The following PRSS22 variants were observed in gnomAD, a reference collection of about 807,000 sequenced individuals.
PRSS22 encodes the protein serine protease 22.
PRSS22 carries 26 observed loss-of-function variants against 28.0 expected under a neutral mutation model. That is an observed-to-expected ratio of 0.93 (90% CI 0.68 to 1.29). PRSS22 has a LOEUF of 1.29. Among genes scored for constraint, PRSS22 ranks in the 50% most tolerant of loss-of-function variants. The probability of loss-of-function intolerance (pLI) is 0.00; values close to 1 mark genes in which losing one functional copy is unlikely to be tolerated. For synonymous variants in PRSS22, 217 were observed against 177.9 expected, an observed-to-expected ratio of 1.22 and a Z score of -1.75; for missense variants, 444 against 422.1, an observed-to-expected ratio of 1.05 and a Z score of -0.46.
rs1009327396 is a variant in PRSS22, at chr16:2,853,560, G to A, written c.718-231C>T. ...GGTGCTGCCGCTGCACCATCTGACC[G>A]TCTTCCAGACAGCCCCTGAGCTACA... On this transcript the variant is annotated intron_variant, in intron 5 of 5. Coordinates refer to ENST00000161006, the MANE Select transcript of PRSS22 (RefSeq NM_022119.4). The surrounding 1 kb of genome is among the most constrained non-coding windows in gnomAD (Gnocchi z 4.6). Among the ~76,000 whole-genome samples, 5 of 152,250 alleles carry A rather than the reference G, an allele frequency of 3.3e-5. No individual in the cohort carries two copies. Among genetic ancestry groups the A allele is most frequent in the African/African-American group, 1.2e-4 (5 of 41,466 alleles).
intron 2 of PRSS22, 119 bp downstream of exon 2, chr16:2,856,703 C>G: frequency 1.6e-6 from 2 of 1,215,514 alleles, no homozygotes; most frequent in Non-Finnish European, 1.2e-6. Flanking sequence ...CCCTCTAGCT[C>G]TTTCCCCCTC....
rs200802675 is a variant in PRSS22, at chr16:2,856,170, C to A, written c.193G>T (p.Val65Leu). 6.2e-7 allele frequency: 1 copy of A among 1,613,852 alleles called. No homozygotes were observed. The highest frequency in any genetic ancestry group is 8.5e-7 in the Non-Finnish European group (1 of 1,179,948). ...TGGGTCCCATTCTTCTGGATGCTCA[C>A]GATCCAGGGCCACTCGCTGTCAGTG... ...DSTDSEWPWI[V>L]SIQKNGTHHC... The change falls in exon 3 of 6, where the codon GTG (valine) becomes TTG (leucine). Residue 65 changes from valine to leucine, a missense_variant. Physicochemically the swap from Val to Leu is conservative, Grantham distance 32. Coordinates refer to ENST00000161006, the MANE Select transcript of PRSS22 (RefSeq NM_022119.4).
chr16:2,854,564 T>C (rs2069437884), intron 4 of PRSS22: 1 of 153,898 alleles, frequency 6.5e-6, no homozygotes, highest in African/African-American at 2.4e-5. Context: ...TTAATTATTC[T>C]GGAATCTGGT....
intron 4 of PRSS22, among the ~76,000 whole-genome samples, chr16:2,855,081 C>T (rs1032621805): frequency 6.6e-6 from 1 of 152,108 alleles, no homozygotes; most frequent in East Asian, 1.9e-4. Flanking sequence ...GGCACAGTGG[C>T]TCACACCTGT....
chr16:2,855,964 C>T, intron 3 of PRSS22, 113 bp from the exon 4 acceptor site: 10 of 1,505,324 alleles, frequency 6.6e-6, no homozygotes, highest in East Asian at 2.3e-5. Context: ...TAGGTAGAAT[C>T]GAGGGGCACC....
chr16:2,855,769 C>T lies in PRSS22; in HGVS notation c.364G>A (p.Gly122Ser). 6.2e-7 allele frequency: 1 copy of T among 1,614,124 alleles called. No individual in the cohort carries two copies. Among genetic ancestry groups the T allele is most frequent in the African/African-American group, 1.3e-5 (1 of 75,046 alleles). The change falls in exon 4 of 6, where the codon GGT becomes AGT. Residue 122 changes from glycine (G) to serine (S), a missense_variant. Gly to Ser is a moderately conservative substitution (Grantham distance 56). Coordinates refer to ENST00000161006, the MANE Select transcript of PRSS22 (RefSeq NM_022119.4). ...GNPGSRSQKVGVAWVEPHPVY... is the reference protein window; with the variant it reads ...GNPGSRSQKVSVAWVEPHPVY... Reference sequence around the variant, plus strand: ...GGGTGGGGCTCCACCCAGGCAACACCCACCTTCTGGGACCGAGAGCCAGGG... The same window carrying T: ...GGGTGGGGCTCCACCCAGGCAACACTCACCTTCTGGGACCGAGAGCCAGGG...
Position 2,853,860 on chromosome 16 carries a change from C to G in PRSS22, c.717+5G>C, listed in dbSNP as rs2069429708. On this transcript the variant is annotated splice_donor_5th_base_variant and intron_variant, in intron 5 of 5. Coordinates refer to ENST00000161006, the MANE Select transcript of PRSS22 (RefSeq NM_022119.4). This position sits in a 1 kb window ranked among gnomAD's most constrained non-coding sequence, Gnocchi z 4.6. ...GCCAGGGGTGGGGGGCTCGAGGGAG[C>G]TCACCAGACAAGCATCCCGCTCCCC... The G allele has an allele frequency of 1.2e-6, 2 of 1,613,654 alleles. No individual in the cohort carries two copies. Among genetic ancestry groups the G allele is most frequent in the Non-Finnish European group, 1.7e-6 (2 of 1,179,956 alleles).
At chr16:2,857,497 A>C in intron 1 of PRSS22, 1 of 180,760 alleles carries the variant, frequency 5.5e-6, no homozygotes, top group Non-Finnish European at 1.2e-5. Flanking sequence ...AAGTCTCTCA[A>C]CCCCAGGGCC....
At position 2,853,022 on chromosome 16, in the gene PRSS22, G is replaced by A; in HGVS notation, c.*71C>T. 14 of 1,078,654 alleles carry A rather than the reference G, an allele frequency of 1.3e-5. No individual in the cohort carries two copies. In the South Asian group the frequency reaches 2.0e-4, roughly 15 times the overall value. The allele number at this position is 1,078,654 out of a possible 1,614,324, so 66.8% of individuals were successfully genotyped here. On this transcript the variant is annotated 3_prime_UTR_variant, in exon 6 of 6. Transcript: ENST00000161006. This position sits in a 1 kb window ranked among gnomAD's most constrained non-coding sequence, Gnocchi z 4.6. ...TTTACGGCGGGGGAAACCGCCCGAGGCCGCCGCAGATCCAGATCCAGATGT... is the reference window on the plus strand; with the variant it reads ...TTTACGGCGGGGGAAACCGCCCGAGACCGCCGCAGATCCAGATCCAGATGT...
Position 2,853,790 on chromosome 16 carries a change from C to T in PRSS22, c.717+75G>A, listed in dbSNP as rs2069428750. On this transcript the variant is annotated intron_variant, in intron 5 of 5. Transcript: ENST00000161006. This position sits in a 1 kb window ranked among gnomAD's most constrained non-coding sequence, Gnocchi z 4.6. ...GAGGCCAGGGAGAGGTTGTGGGGCT[C>T]AGTGGGGACAGGACTGACGCTGGCT... 2.0e-5 allele frequency: 30 copies of T among 1,533,812 alleles called. No homozygotes were observed. Among genetic ancestry groups the T allele is most frequent in the Non-Finnish European group, 2.7e-5 (30 of 1,129,606 alleles).
In PRSS22 at chr16:2,858,159, G is replaced by T; in HGVS notation, c.-55C>A. ...GCTCGAGAGACCCAGGGCGATGCGG[G>T]TCAGGGTGTGTAGGTTCCCTGCAGG... is the stretch of plus-strand genomic sequence containing the variant. On this transcript the variant is annotated 5_prime_UTR_variant, in exon 1 of 6. Transcript: ENST00000161006. The T allele has an allele frequency of 8.0e-7, 1 of 1,245,936 alleles. No homozygotes were observed. 77.2% of individuals were successfully genotyped at this position (1,245,936 alleles called of 1,614,324 possible). A position where few individuals can be genotyped will look rare whatever the true frequency, so the allele number is the denominator to read the frequency against.
At position 2,852,803 on chromosome 16, in the gene PRSS22, A is replaced by G. The variant is rs2069415094; in HGVS notation, c.*290T>C. 1 of 431,804 alleles carries G rather than the reference A, an allele frequency of 2.3e-6. No homozygotes were observed. The highest frequency in any genetic ancestry group is 4.1e-6 in the Non-Finnish European group (1 of 246,266). 26.7% of individuals were successfully genotyped at this position (431,804 alleles called of 1,614,324 possible). A position where few individuals can be genotyped will look rare whatever the true frequency, so the allele number is the denominator to read the frequency against. On this transcript the variant is annotated 3_prime_UTR_variant, in exon 6 of 6. Transcript: ENST00000161006. ...GGCAGGGTTACAAATACCTATAAAA[A>G]TCATTAACATTTATATACACAAAAG...
At position 2,856,077 on chromosome 16, in the gene PRSS22, C is replaced by T. The variant is rs779551978; in HGVS notation, c.281+5G>A. ...GATCAAGTGCCCCAGGCCGGCTGTA[C>T]ATACTCCTTGAAACAGTGGGCAGCA... On this transcript the variant is annotated splice_donor_5th_base_variant and intron_variant, in intron 3 of 5. Transcript: ENST00000161006. 3.7e-6 allele frequency: 6 copies of T among 1,613,446 alleles called. No individual in the cohort carries two copies. Among genetic ancestry groups the T allele is most frequent in the Non-Finnish European group, 8.5e-7 (1 of 1,179,732 alleles).
Position 2,852,953 on chromosome 16 carries a change from G to T in PRSS22, c.*140C>A. ...GGGTCGGGGAGGGGGTTTCCTTTCC[G>T]CAGCAGCCGTCCGGGCCCCCAGAGG... On this transcript the variant is annotated 3_prime_UTR_variant, in exon 6 of 6. Transcript: ENST00000161006. The T allele has an allele frequency of 1.6e-6, 1 of 632,624 alleles. No individual in the cohort carries two copies. Among genetic ancestry groups the T allele is most frequent in the Non-Finnish European group, 2.6e-6 (1 of 391,594 alleles). The allele number at this position is 632,624 out of a possible 1,614,324, so 39.2% of individuals were successfully genotyped here. A position where few individuals can be genotyped will look rare whatever the true frequency, so the allele number is the denominator to read the frequency against.
chr16:2,856,441 C>A (rs954427709), intron 2 of PRSS22, among the ~76,000 whole-genome samples, 188 bp from the exon 3 acceptor site: 4 of 152,048 alleles, frequency 2.6e-5, no homozygotes, highest in African/African-American at 9.7e-5. Context: ...CACCCACATC[C>A]TAAGCTCCAC....
At position 2,853,315 on chromosome 16, in the gene PRSS22, GC is replaced by G. The variant is rs2069424425; in HGVS notation, c.731del (p.Gly244AlafsTer170). On this transcript the variant is annotated frameshift_variant, in exon 6 of 6. Coordinates refer to ENST00000161006, the MANE Select transcript of PRSS22 (RefSeq NM_022119.4). LOFTEE classifies it low-confidence loss of function (END_TRUNC). The surrounding 1 kb of genome is among the most constrained non-coding windows in gnomAD (Gnocchi z 4.6). ...CGCCGTCCACCTGGCACATGAGGGGGCCCCCGGAGTCGCCCTGCAGAGAGGA... is the reference window on the plus strand; with the variant it reads ...CGCCGTCCACCTGGCACATGAGGGGGCCCCGGAGTCGCCCTGCAGAGAGGA... The part of the protein sequence containing the change: ...ERDACLGDSG[G>X]PLMCQVDGAW... 1 of 1,597,036 alleles carries G rather than the reference GC, an allele frequency of 6.3e-7. No homozygotes were observed.
chr16:2,854,091 C>A, intron 4 of PRSS22, 69 bp from the exon 5 acceptor site: 1 of 1,540,564 alleles, frequency 6.5e-7, no homozygotes, highest in Admixed American at 1.7e-5. Context: ...AAGGACTATT[C>A]CCCCCCAACA....
chr16:2,855,347 C>CAAAAAAAAAAAAAA (rs33950878), intron 4 of PRSS22, among the ~76,000 whole-genome samples: 243 of 68,840 alleles, frequency 3.5e-3, no homozygotes, highest in Non-Finnish European at 4.5e-3. Flanking sequence ...CACCCTGTCT[C>CAAAAAAAAAAAAAA]AAAAAAAAAA....
Position 2,853,001 on chromosome 16 carries a change from C to A in PRSS22, c.*92G>T. ...AGGTAGAGGTAGATGAGCCTATTTA[C>A]GGCGGGGGAAACCGCCCGAGGCCGC... On this transcript the variant is annotated 3_prime_UTR_variant, in exon 6 of 6. Coordinates refer to ENST00000161006, the MANE Select transcript of PRSS22 (RefSeq NM_022119.4). This position sits in a 1 kb window ranked among gnomAD's most constrained non-coding sequence, Gnocchi z 4.6. The A allele has an allele frequency of 1.2e-6, 1 of 849,848 alleles. No individual in the cohort carries two copies. Among genetic ancestry groups the A allele is most frequent in the South Asian group, 1.8e-5 (1 of 54,958 alleles). The allele number at this position is 849,848 out of a possible 1,614,324, so 52.6% of individuals were successfully genotyped here. A position where few individuals can be genotyped will look rare whatever the true frequency, so the allele number is the denominator to read the frequency against.
Sources: allele counts gnomAD v4.1 joint callset (sites outside exome capture counted in the v4.1 genomes callset), GRCh38; gene constraint gnomAD v4.1.1; non-coding constraint Gnocchi (gnomAD v3.1); transcripts MANE v1.5; gene names NCBI Gene and HGNC (gene_info 2026-07-23, HGNC 2026-07-21).